The following PUS10 variants were observed in gnomAD, a reference collection of about 807,000 sequenced individuals.
PUS10 encodes the protein pseudouridine synthase 10.
Under a neutral mutation model 75.0 loss-of-function variants are expected in PUS10, and 59 were observed. The ratio of observed to expected loss-of-function variants is 0.79; its 90% confidence interval spans 0.64 to 0.98. The LOEUF (loss-of-function observed/expected upper bound fraction) is 0.98. Ranked by LOEUF, PUS10 falls within the 50% of genes least tolerant of loss-of-function variation. PUS10 has a pLI of 0.00. For missense variants in PUS10, 650 were observed against 614.4 expected (o/e 1.06, Z -0.61); for synonymous variants, 219 against 211.6 (o/e 1.03, Z -0.30).
At chr2:60,971,410 C>G in intron 5 of PUS10, 113 bp downstream of exon 5, 1 of 929,072 alleles carries the variant, frequency 1.1e-6, no homozygotes, top group South Asian at 1.4e-5. Flanking sequence ...GCTAATTTCT[C>G]TAGTAGCTAG....
In PUS10 at chr2:60,953,092, C is replaced by G. The variant is rs1188614375; in HGVS notation, c.1213G>C (p.Glu405Gln). 1.9e-6 allele frequency: 3 copies of G among 1,598,456 alleles called. No homozygotes were observed. The highest frequency in any genetic ancestry group is 2.6e-6 in the Non-Finnish European group (3 of 1,165,962). Reference protein sequence around the residue: ...VTREAIGHMKEGEEEKTKTYS... With the variant: ...VTREAIGHMKQGEEEKTKTYS... Reference sequence around the variant, plus strand: ...GTCTTTGTCTTTTCTTCTTCACCTTCTTTCATATGTCCTATTGCCTCTCTA... The same window carrying G: ...GTCTTTGTCTTTTCTTCTTCACCTTGTTTCATATGTCCTATTGCCTCTCTA... Residue 405 changes from glutamate (E) to glutamine (Q), a missense_variant, in exon 15 of 18, where the codon GAA becomes CAA. Glu to Gln is a conservative substitution (Grantham distance 29, BLOSUM62 2). Transcript: ENST00000316752.
At position 60,965,055 on chromosome 2, in the gene PUS10, T is replaced by C. The variant is rs777792657; in HGVS notation, c.723+3A>G. On this transcript the variant is annotated splice_donor_region_variant and intron_variant, in intron 8 of 17. Coordinates refer to ENST00000316752, the MANE Select transcript of PUS10 (RefSeq NM_144709.4). ...AGACTAAGAAGCGGGAACCTTTCCT[T>C]ACCTGTTTGTTTTTGGCTGGCTTAA... 9 of 1,613,620 alleles carry C rather than the reference T, an allele frequency of 5.6e-6. No individual in the cohort carries two copies. Among genetic ancestry groups the C allele is most frequent in the Non-Finnish European group, 6.8e-6 (8 of 1,179,604 alleles).
In PUS10 at chr2:60,985,126, T is replaced by G. The variant is rs138568236; in HGVS notation, c.469-13569A>C. ...CACAACCAATTATCTAAGTTATCTT[T>G]TGTATAACAGTAAGTTTGCTAAAAT... On this transcript the variant is annotated intron_variant, in intron 4 of 17. Coordinates refer to ENST00000316752, the MANE Select transcript of PUS10 (RefSeq NM_144709.4). 3.1e-3 allele frequency among the ~76,000 whole-genome samples: 467 copies of G among 152,336 alleles called. 1 individual carries two copies. The highest frequency in any genetic ancestry group is 0.011 in the African/African-American group (446 of 41,586).
chr2:60,987,672 C>A (rs1443484980), intron 4 of PUS10, among the ~76,000 whole-genome samples: 1 of 152,098 alleles, frequency 6.6e-6, no homozygotes. Flanking sequence ...GTGGCTCGTG[C>A]CGCACTTTGG....
chr2:60,959,350 G>T (rs1043914388), intron 11 of PUS10, among the ~76,000 whole-genome samples: 1 of 152,162 alleles, frequency 6.6e-6, no homozygotes, highest in African/African-American at 2.4e-5. Context: ...AGTAGTTTCA[G>T]TTGTTTTGAA....
At chr2:60,970,645 G>A (rs1375626964) in intron 5 of PUS10, among the ~76,000 whole-genome samples, 4 of 152,058 alleles carry the variant, frequency 2.6e-5, no homozygotes, top group Non-Finnish European at 5.9e-5. Context: ...TACCACCCCA[G>A]AGCCTGGGCG....
At chr2:60,985,006 G>C (rs1167542860) in intron 4 of PUS10, among the ~76,000 whole-genome samples, 1 of 152,126 alleles carries the variant, frequency 6.6e-6, no homozygotes, top group African/African-American at 2.4e-5. Context: ...GGCACTTTCA[G>C]TAAGCATGTG....
chr2:60,993,073 A>G (rs1038511332), intron 4 of PUS10, among the ~76,000 whole-genome samples: 3 of 152,212 alleles, frequency 2.0e-5, no homozygotes, highest in African/African-American at 7.2e-5. Flanking sequence ...TTGTGAAACC[A>G]AAAGCTACAC....
intron 4 of PUS10, among the ~76,000 whole-genome samples, chr2:61,003,591 C>T (rs1361032163): frequency 6.6e-6 from 1 of 150,682 alleles, no homozygotes; most frequent in African/African-American, 2.4e-5. Context: ...GTCACCCAGG[C>T]TAGAGTACAG....
rs1319739880 is a variant in PUS10 at position 60,940,628 on chromosome 2, C to G, written c.*1767G>C. The G allele has an allele frequency of 6.6e-6, 1 of 152,240 alleles. No individual in the cohort carries two copies. Among genetic ancestry groups the G allele is most frequent in the Non-Finnish European group, 1.5e-5 (1 of 67,988 alleles). The allele number at this position is 152,240 out of a possible 1,614,324, so 9.4% of individuals were successfully genotyped here. ...GAATAGAAATTTAAGAAATAGAAAT[C>G]TTCTCATTTCAGTTTGCTAAGCACA... On this transcript the variant is annotated 3_prime_UTR_variant, in exon 18 of 18. Transcript: ENST00000316752.
Position 60,960,392 on chromosome 2 carries a change from T to TGA in PUS10, c.999_1000insTC (p.Phe335ValfsTer12). On this transcript the variant is annotated frameshift_variant and splice_region_variant, in exon 11 of 18. Coordinates refer to ENST00000316752, the MANE Select transcript of PUS10 (RefSeq NM_144709.4). LOFTEE classifies it high-confidence loss of function. ...AAAGTATGAAGATCGTAACACTTAC[T>TGA]CTCTGCTTTAAATACTGCCAACAGA... The TGA allele has an allele frequency of 1.3e-6, 2 of 1,518,040 alleles. No homozygotes were observed. The highest frequency in any genetic ancestry group is 1.8e-6 in the Non-Finnish European group (2 of 1,139,408). 94.0% of individuals were successfully genotyped at this position (1,518,040 alleles called of 1,614,324 possible). A position where few individuals can be genotyped will look rare whatever the true frequency, so the allele number is the denominator to read the frequency against.
chr2:60,976,058 G>A (rs1054101105), intron 4 of PUS10, among the ~76,000 whole-genome samples: 2 of 152,046 alleles, frequency 1.3e-5, no homozygotes, highest in African/African-American at 4.8e-5. Context: ...CACCTCTCCT[G>A]GCCCAGCCTC....
At chr2:61,006,460 AAATAT>A in intron 4 of PUS10, 92 bp downstream of exon 4, 7 of 904,628 alleles carry the variant, frequency 7.7e-6, no homozygotes, top group South Asian at 1.6e-5. Flanking sequence ...AAAATGTAAA[AAATAT>A]AATAGAGTAA....
intron 17 of PUS10, among the ~76,000 whole-genome samples, chr2:60,943,721 T>G (rs1212604055): frequency 6.6e-6 from 1 of 151,566 alleles, no homozygotes; most frequent in Non-Finnish European, 1.5e-5. Context: ...AATTAATGAG[T>G]GTTTTCTCAA....
chr2:60,985,852 T>C (rs1368962699), intron 4 of PUS10, among the ~76,000 whole-genome samples: 1 of 147,796 alleles, frequency 6.8e-6, no homozygotes, highest in Non-Finnish European at 1.5e-5. Context: ...CCGTATCTAA[T>C]GGGTTTACTC....
At chr2:60,943,763 TGTG>T (rs1180910930) in intron 17 of PUS10, among the ~76,000 whole-genome samples, 7 of 49,184 alleles carry the variant, frequency 1.4e-4, no homozygotes, top group Admixed American at 6.6e-4. Flanking sequence ...ATCACAATCT[TGTG>T]TGTGTGTGTG....
chr2:60,942,988 G>A (rs1421394091), intron 17 of PUS10, among the ~76,000 whole-genome samples: 3 of 142,328 alleles, frequency 2.1e-5, no homozygotes, highest in South Asian at 2.2e-4. Context: ...CCGAAATCAC[G>A]CCACAGCACT....
chr2:60,961,329 T>A, intron 10 of PUS10, 134 bp downstream of exon 10: 1 of 714,036 alleles, frequency 1.4e-6, no homozygotes, highest in East Asian at 2.5e-5. Flanking sequence ...TGGCTATTGA[T>A]TCTACTTCTC....
chr2:60,958,909 T>C (rs759912682), intron 11 of PUS10, among the ~76,000 whole-genome samples: 1 of 152,064 alleles, frequency 6.6e-6, no homozygotes, highest in Non-Finnish European at 1.5e-5. Context: ...TTTCTAATTA[T>C]ACTAGGAGCC....
Sources: gnomAD v4.1 joint callset for allele counts (sites outside exome capture counted in the v4.1 genomes callset) on GRCh38, gnomAD v4.1.1 for gene constraint, MANE v1.5 for transcripts, NCBI Gene and HGNC (gene_info 2026-07-23, HGNC 2026-07-21) for gene names.